NEK10: variants seen among roughly 807,000 people sequenced by gnomAD.
The protein encoded by NEK10 is NIMA related kinase 10.
NEK10 carries 122 observed loss-of-function variants against 159.8 expected under a neutral mutation model. The ratio of observed to expected loss-of-function variants is 0.76; its 90% CI spans 0.66 to 0.89. NEK10 has a LOEUF of 0.89. Among genes scored for constraint, NEK10 ranks in the 40% least tolerant of loss-of-function variants. The pLI, the probability that NEK10 is intolerant of heterozygous loss-of-function variation, is 0.00. For missense variants in NEK10, 1,342 were observed against 1,323.1 expected (o/e 1.01, Z -0.22); for synonymous variants, 466 against 457.1 (o/e 1.02, Z -0.25).
intron 23 of NEK10, among the ~76,000 whole-genome samples, chr3:27,212,034 G>A (rs1401110783): frequency 6.6e-6 from 1 of 152,100 alleles, no homozygotes; most frequent in Non-Finnish European, 1.5e-5. Context: ...TATGTCTATC[G>A]ATTAAAGACT....
At chr3:27,124,512 G>A (rs1941713368) in intron 32 of NEK10, among the ~76,000 whole-genome samples, 1 of 152,172 alleles carries the variant, frequency 6.6e-6, no homozygotes, top group Non-Finnish European at 1.5e-5. Context: ...TACAAACAAG[G>A]AAATGGAGAA....
intron 30 of NEK10, among the ~76,000 whole-genome samples, chr3:27,144,268 C>T (rs934015204): frequency 6.6e-5 from 10 of 152,306 alleles, no homozygotes; most frequent in African/African-American, 1.2e-4. Context: ...TCTCTGTAAC[C>T]GCTGAAGACT....
rs1945330835 is a variant in NEK10, at chr3:27,155,644, A to C, written c.2869+7057T>G. Among the ~76,000 whole-genome samples, 2 of 152,112 alleles carry C rather than the reference A, an allele frequency of 1.3e-5. 1 individual carries two copies. The highest frequency in any genetic ancestry group is 4.1e-4 in the South Asian group (2 of 4,830). The stretch of plus-strand genomic sequence containing the variant: ...ACACTGCTGGAAGAAATCATAGATG[A>C]CACAAACAAATGGAAACACATCCCA... On this transcript the variant is annotated intron_variant, in intron 30 of 35. Coordinates refer to ENST00000691995, the MANE Select transcript of NEK10 (RefSeq NM_001394966.1).
intron 23 of NEK10, among the ~76,000 whole-genome samples, chr3:27,219,140 T>C (rs1479891542): frequency 6.6e-6 from 1 of 152,246 alleles, no homozygotes; most frequent in Non-Finnish European, 1.5e-5. Flanking sequence ...GTCAGTGTTA[T>C]AACCCAGGAA....
intron 23 of NEK10, among the ~76,000 whole-genome samples, chr3:27,213,909 C>A (rs1207877164): frequency 1.3e-5 from 2 of 152,200 alleles, no homozygotes; most frequent in Non-Finnish European, 2.9e-5. Context: ...CTTTCCAGGT[C>A]TTTTTCTGAT....
At chr3:27,332,776 C>A (rs892845744) in intron 5 of NEK10, among the ~76,000 whole-genome samples, 2 of 152,216 alleles carry the variant, frequency 1.3e-5, no homozygotes, top group African/African-American at 2.4e-5. Flanking sequence ...CTTCCCTACA[C>A]AGCTCATAAC....
chr3:27,293,024 G>A (rs1285781024), intron 16 of NEK10, among the ~76,000 whole-genome samples: 4 of 152,074 alleles, frequency 2.6e-5, no homozygotes, highest in Admixed American at 2.6e-4. Flanking sequence ...TAACTAAATG[G>A]TGTGCAGAAC....
At chr3:27,213,833 T>C (rs1475147351) in intron 23 of NEK10, among the ~76,000 whole-genome samples, 1 of 142,126 alleles carries the variant, frequency 7.0e-6, no homozygotes, top group Non-Finnish European at 1.6e-5. Context: ...TCCTTTGACA[T>C]ATTTTTAAAG....
chr3:27,302,243 T>C (rs2043886429), intron 12 of NEK10, among the ~76,000 whole-genome samples: 1 of 152,218 alleles, frequency 6.6e-6, no homozygotes. Context: ...CATTTTACTC[T>C]GTACTTCAGG....
At position 27,290,746 on chromosome 3, in the gene NEK10, C is replaced by T. The variant is rs1232068956; in HGVS notation, c.1614G>A (p.Lys538=). Residue 538 remains lysine (K), a synonymous_variant, in exon 19 of 36, where the codon AAG becomes AAA. Transcript: ENST00000691995. ...TTGCTAAAAGATTTTGACCACTATG[C>T]TTTCTAACCTAAAATAAAGAAAAAC... ...GAFGCVYKVR[K]HSGQNLLAMK... The T allele has an allele frequency of 1.9e-6, 3 of 1,596,730 alleles. No individual in the cohort carries two copies. The highest frequency in any genetic ancestry group is 2.6e-6 in the Non-Finnish European group (3 of 1,172,824).
intron 30 of NEK10, among the ~76,000 whole-genome samples, chr3:27,150,683 C>T (rs1054193249): frequency 6.6e-6 from 1 of 152,132 alleles, no homozygotes; most frequent in Non-Finnish European, 1.5e-5. Flanking sequence ...TTCATGTATG[C>T]TAACATAACA....
chr3:27,232,180 A>C (rs2149214470), intron 23 of NEK10, among the ~76,000 whole-genome samples: 1 of 152,066 alleles, frequency 6.6e-6, no homozygotes, highest in African/African-American at 2.4e-5. Flanking sequence ...ACTCATCCAA[A>C]AAGCTCCTAG....
chr3:27,178,870 G>A (rs1278716575), intron 26 of NEK10, among the ~76,000 whole-genome samples: 1 of 152,182 alleles, frequency 6.6e-6, no homozygotes, highest in African/African-American at 2.4e-5. Flanking sequence ...AATAAGCCTG[G>A]AGCCTGGTCC....
At position 27,362,924 on chromosome 3, in the gene NEK10, A is replaced by G. The variant is rs558306819; in HGVS notation, c.-38+6301T>C. Among the ~76,000 whole-genome samples, 4 of 152,204 alleles carry G rather than the reference A, an allele frequency of 2.6e-5. No homozygotes were observed. The South Asian group carries it at 8.3e-4, about 32-fold the overall frequency. ...CTCCCCAACTACAACAAAAAAATCT[A>G]TCTCCACACATCAATAAAAGCACTC... is the stretch of plus-strand genomic sequence containing the variant. On this transcript the variant is annotated intron_variant, in intron 1 of 35. Transcript: ENST00000691995.
chr3:27,184,187 C>T (rs1473790434), intron 26 of NEK10, among the ~76,000 whole-genome samples: 4 of 152,142 alleles, frequency 2.6e-5, no homozygotes, highest in Admixed American at 2.0e-4. Context: ...CGTAAGTGTT[C>T]ATCAACAGGA....
intron 30 of NEK10, among the ~76,000 whole-genome samples, chr3:27,147,700 T>G (rs1944435526): frequency 6.6e-6 from 1 of 152,198 alleles, no homozygotes; most frequent in Admixed American, 6.5e-5. Flanking sequence ...GAGCAGACAG[T>G]TTACAGGCCT....
chr3:27,303,254 A>C (rs1005813726), intron 12 of NEK10, among the ~76,000 whole-genome samples: 1 of 152,216 alleles, frequency 6.6e-6, no homozygotes, highest in Non-Finnish European at 1.5e-5. Flanking sequence ...TACCAAGGAT[A>C]GTTATGACTT....
chr3:27,280,095 G>GA (rs1203824501), intron 22 of NEK10, among the ~76,000 whole-genome samples: 12,577 of 68,960 alleles, frequency 0.18, 1,440 homozygotes, highest in African/African-American at 0.41. Flanking sequence ...CCCTAAAATG[G>GA]AAAAAAAAAA....
intron 5 of NEK10, among the ~76,000 whole-genome samples, chr3:27,327,275 C>T (rs1190127231): frequency 6.6e-6 from 1 of 152,138 alleles, no homozygotes; most frequent in Non-Finnish European, 1.5e-5. Flanking sequence ...TGGGGGCAGC[C>T]CTGAGAAACC....
Sources: allele counts gnomAD v4.1 joint callset (sites outside exome capture counted in the v4.1 genomes callset), GRCh38; gene constraint gnomAD v4.1.1; transcripts MANE v1.5; gene names NCBI Gene and HGNC (gene_info 2026-07-23, HGNC 2026-07-21).